Variants in HHAT observed in about 807,000 individuals in gnomAD.
HHAT encodes hedgehog acyltransferase, also known as protein-cysteine N-palmitoyltransferase HHAT.
In HHAT, 47 loss-of-function variants were observed where a neutral mutation model predicts 70.8. The observed-to-expected ratio is 0.66, with a 90% CI of 0.53 to 0.85. The LOEUF is 0.85. HHAT is among the 40% of genes least tolerant of loss of function. The pLI, the probability that HHAT is intolerant of heterozygous loss-of-function variation, is 0.00. For synonymous variants in HHAT, 228 were observed against 247.6 expected (o/e 0.92, Z 0.74); for missense variants, 609 against 604.8 (o/e 1.01, Z -0.07).
intron 7 of HHAT, among the ~76,000 whole-genome samples, chr1:210,459,096 C>T (rs939973941): frequency 7.9e-5 from 12 of 152,110 alleles, no homozygotes; most frequent in Admixed American, 6.5e-4. Flanking sequence ...GGAAGTGGCC[C>T]GTTGTTAGGC....
At chr1:210,627,076 G>A (rs914457178) in intron 11 of HHAT, among the ~76,000 whole-genome samples, 2 of 152,190 alleles carry the variant, frequency 1.3e-5, no homozygotes, top group Non-Finnish European at 1.5e-5. Context: ...AGGTTTAAGG[G>A]AAAGGTGGCC....
At chr1:210,329,537 C>T (rs2084801885) in intron 1 of HHAT, 1 of 969,666 alleles carries the variant, frequency 1.0e-6, no homozygotes, top group Non-Finnish European at 1.2e-6. Context: ...TTCCTCTGTT[C>T]TGAGTCTAAC....
rs3033354 is a variant in HHAT, at chr1:210,334,178, A to ATTTTTTTTTTTTTTTTT, written c.-44+5078_-44+5094dup. Among the ~76,000 whole-genome samples, 413 of 99,940 alleles carry ATTTTTTTTTTTTTTTTT rather than the reference A, an allele frequency of 4.1e-3. 104 individuals are homozygous for ATTTTTTTTTTTTTTTTT. Among genetic ancestry groups the ATTTTTTTTTTTTTTTTT allele is most frequent in the African/African-American group, 8.1e-3 (221 of 27,342 alleles). 65.6% of individuals were successfully genotyped at this position (99,940 alleles called of 152,430 possible). ...TACTTGCTGGCCACTTTAGCGTGTC[A>ATTTTTTTTTTTTTTTTT]TTTTTTTTTTTTTTTTTTTTGAGAA... On this transcript the variant is annotated intron_variant, in intron 1 of 11. Coordinates refer to ENST00000261458, the MANE Select transcript of HHAT (RefSeq NM_018194.6).
At chr1:210,354,182 C>T (rs901625322) in intron 2 of HHAT, among the ~76,000 whole-genome samples, 1 of 140,254 alleles carries the variant, frequency 7.1e-6, no homozygotes, top group Non-Finnish European at 1.5e-5. Context: ...AAATAGATAA[C>T]TAAACATAAT....
chr1:210,333,474 G>T (rs1235181863), intron 1 of HHAT, among the ~76,000 whole-genome samples: 1 of 137,442 alleles, frequency 7.3e-6, no homozygotes, highest in East Asian at 2.5e-4. Context: ...AAATGTATGA[G>T]TATATGTACT....
intron 11 of HHAT, among the ~76,000 whole-genome samples, chr1:210,652,840 A>G (rs1478115807): frequency 6.6e-6 from 1 of 152,246 alleles, no homozygotes; most frequent in Non-Finnish European, 1.5e-5. Flanking sequence ...CCAGGTTGGC[A>G]TAGATCAAAA....
chr1:210,593,040 C>A (rs1487478258), intron 10 of HHAT, among the ~76,000 whole-genome samples: 1 of 152,146 alleles, frequency 6.6e-6, no homozygotes, highest in Non-Finnish European at 1.5e-5. Context: ...TTCCCCCACC[C>A]CACGACAGAC....
At chr1:210,567,584 A>G (rs1573385055) in intron 9 of HHAT, among the ~76,000 whole-genome samples, 1 of 152,330 alleles carries the variant, frequency 6.6e-6, no homozygotes, top group South Asian at 2.1e-4. Flanking sequence ...TATTGTTTAT[A>G]TACTGTCAGT....
chr1:210,667,668 G>T (rs758922441), intron 11 of HHAT, among the ~76,000 whole-genome samples: 2 of 152,056 alleles, frequency 1.3e-5, no homozygotes, highest in Non-Finnish European at 2.9e-5. Context: ...CATCCCAAAA[G>T]ATTCCTAGGG....
chr1:210,405,044 A>G (rs2148216063), intron 6 of HHAT, among the ~76,000 whole-genome samples: 1 of 152,312 alleles, frequency 6.6e-6, no homozygotes, highest in East Asian at 1.9e-4. Flanking sequence ...AGGAATAGAA[A>G]AGGAAACTGT....
At chr1:210,640,341 A>G (rs886608175) in intron 11 of HHAT, among the ~76,000 whole-genome samples, 8 of 152,146 alleles carry the variant, frequency 5.3e-5, no homozygotes, top group Admixed American at 5.2e-4. Flanking sequence ...TCTTGGCTTA[A>G]TAAGAAAACT....
At chr1:210,390,570 G>T (rs1266743086) in intron 4 of HHAT, among the ~76,000 whole-genome samples, 1 of 152,040 alleles carries the variant, frequency 6.6e-6, no homozygotes, top group Non-Finnish European at 1.5e-5. Flanking sequence ...AAATTCTTCA[G>T]TGGTGATTTA....
intron 11 of HHAT, among the ~76,000 whole-genome samples, chr1:210,642,259 G>C (rs1673116901): frequency 6.6e-6 from 1 of 152,200 alleles, no homozygotes. Flanking sequence ...TTGCTGTACA[G>C]TATTTCGTTG....
chr1:210,379,268 G>A (rs2090455646), intron 3 of HHAT, among the ~76,000 whole-genome samples: 1 of 152,148 alleles, frequency 6.6e-6, no homozygotes, highest in Non-Finnish European at 1.5e-5. Context: ...ACCATACATT[G>A]TTTCTTTACT....
intron 1 of HHAT, among the ~76,000 whole-genome samples, chr1:210,336,709 A>C (rs2085531262): frequency 6.6e-6 from 1 of 152,144 alleles, no homozygotes; most frequent in Non-Finnish European, 1.5e-5. Context: ...TCTTGAGCCC[A>C]GGAATTTGAG....
chr1:210,435,538 C>T (rs1433070903), intron 7 of HHAT, among the ~76,000 whole-genome samples: 1 of 151,508 alleles, frequency 6.6e-6, no homozygotes, highest in Non-Finnish European at 1.5e-5. Context: ...TTTTTGGGGG[C>T]AGTTTTTATA....
chr1:210,387,575 A>C lies in HHAT; in HGVS notation c.267A>C (p.Ala89=). 6.2e-7 allele frequency: 1 copy of C among 1,611,972 alleles called. No homozygotes were observed. Among genetic ancestry groups the C allele is most frequent in the East Asian group, 2.2e-5 (1 of 44,872 alleles). ...TGTCTCAAATGGCCACACTGCTGGC[A>C]AGAAAGGTATGATTATATGTGTTGT... ...MVVSQMATLL[A]RKHRPWILML... is the part of the protein sequence containing the mutation. The change falls in exon 4 of 12, where the codon GCA becomes GCC. Residue 89 remains alanine (A), a synonymous_variant. Coordinates refer to ENST00000261458, the MANE Select transcript of HHAT (RefSeq NM_018194.6).
chr1:210,392,793 C>T (rs973053269), intron 4 of HHAT, among the ~76,000 whole-genome samples: 5 of 151,994 alleles, frequency 3.3e-5, no homozygotes, highest in Non-Finnish European at 7.4e-5. Context: ...TCTGCCCCAC[C>T]CCACCTCGTT....
At chr1:210,626,343 T>C (rs1412274999) in intron 11 of HHAT, among the ~76,000 whole-genome samples, 2 of 152,184 alleles carry the variant, frequency 1.3e-5, no homozygotes, top group African/African-American at 2.4e-5. Context: ...CTGAACGCAC[T>C]ATTTGTGTCC....
Sources: gnomAD v4.1 joint callset for allele counts (sites outside exome capture counted in the v4.1 genomes callset) on GRCh38, gnomAD v4.1.1 for gene constraint, MANE v1.5 for transcripts, NCBI Gene and HGNC (gene_info 2026-07-23, HGNC 2026-07-21) for gene names.